ZBTB46: variants seen among roughly 807,000 people sequenced by gnomAD.
The protein encoded by ZBTB46 is zinc finger and BTB domain containing 46, also known as zinc finger and BTB domain-containing protein 46.
A neutral mutation model predicts 44.1 loss-of-function variants in ZBTB46; 8 were observed. The ratio of observed to expected loss-of-function variants is 0.18; its 90% CI spans 0.11 to 0.33. The LOEUF (loss-of-function observed/expected upper bound fraction) is 0.33. ZBTB46 is among the 10% of genes least tolerant of loss of function. The pLI, the probability that ZBTB46 is intolerant of heterozygous loss-of-function variation, is 1.00. For missense variants in ZBTB46, 651 were observed against 847.7 expected (o/e 0.77, Z 2.88); for synonymous variants, 409 against 382.3 (o/e 1.07, Z -0.81).
rs1034162511 is a variant in ZBTB46, at chr20:63,767,634, A to C, written c.1222+8044T>G. Among the ~76,000 whole-genome samples the C allele has an allele frequency of 6.6e-6, 1 of 152,228 alleles. No individual in the cohort carries two copies. The highest frequency in any genetic ancestry group is 2.4e-5 in the African/African-American group (1 of 41,460). ...TGAGGTCAAAGCAAACGCCGGCTCC[A>C]GCGCACAGACCAGAGGCACCCGCAG... is the stretch of plus-strand genomic sequence containing the variant. On this transcript the variant is annotated intron_variant, in intron 3 of 4. Transcript: ENST00000245663. This position sits in a 1 kb window ranked among gnomAD's most constrained non-coding sequence, Gnocchi z 5.0.
In ZBTB46 at chr20:63,747,314, G is replaced by A; in HGVS notation, c.1399-13C>T. On this transcript the variant is annotated splice_polypyrimidine_tract_variant and intron_variant, in intron 4 of 4. Transcript: ENST00000245663. ...CCTTGCTGTGGACCTGCAGAGGCAG[G>A]GCAGGGGGTGAGCAGGGCCTGGTGG... The A allele has an allele frequency of 7.1e-7, 1 of 1,400,538 alleles. No homozygotes were observed. Among genetic ancestry groups the A allele is most frequent in the Non-Finnish European group, 9.4e-7 (1 of 1,068,080 alleles). 86.8% of individuals were successfully genotyped at this position (1,400,538 alleles called of 1,614,324 possible).
At chr20:63,830,441 C>G (rs1026315572) in intron 1 of ZBTB46, among the ~76,000 whole-genome samples, 6 of 150,894 alleles carry the variant, frequency 4.0e-5, no homozygotes, top group African/African-American at 7.3e-5. Context: ...CGCCCCGCCC[C>G]GAGGCCCCTG....
intron 3 of ZBTB46, among the ~76,000 whole-genome samples, chr20:63,754,820 C>A (rs539248988): frequency 6.6e-6 from 1 of 151,326 alleles, no homozygotes; most frequent in Non-Finnish European, 1.5e-5. Flanking sequence ...AGGATGGTCT[C>A]GATCTCCTGA....
chr20:63,772,176 A>G (rs1243263601), intron 3 of ZBTB46, among the ~76,000 whole-genome samples: 2 of 151,918 alleles, frequency 1.3e-5, no homozygotes, highest in East Asian at 3.9e-4. Flanking sequence ...TTGTATTTTT[A>G]GTAGAGACAG....
chr20:63,773,582 G>C (rs763747736), intron 3 of ZBTB46, among the ~76,000 whole-genome samples: 4 of 152,108 alleles, frequency 2.6e-5, no homozygotes, highest in Non-Finnish European at 5.9e-5. Context: ...CCCCTCATGT[G>C]AAAAGGCGCT....
chr20:63,769,202 T>A (rs2092346242), intron 3 of ZBTB46: 6 of 985,288 alleles, frequency 6.1e-6, no homozygotes, highest in Middle Eastern at 5.2e-4. Context: ...ATGCCCCAAG[T>A]GTTTGGCCCA....
chr20:63,760,431 T>A (rs895090757), intron 3 of ZBTB46, among the ~76,000 whole-genome samples: 1 of 152,132 alleles, frequency 6.6e-6, no homozygotes, highest in African/African-American at 2.4e-5. Context: ...CTATCCAATA[T>A]CCGTTGATCA....
intron 1 of ZBTB46, among the ~76,000 whole-genome samples, chr20:63,810,078 AGCCT>A (rs1285551914): frequency 4.2e-4 from 64 of 152,306 alleles, no homozygotes; most frequent in African/African-American, 1.5e-3. Context: ...CCCTTGAAGC[AGCCT>A]GCAGCGTGGG....
rs577507890 is a variant in ZBTB46, at chr20:63,827,714, TA to T, written c.-34+3382del. On this transcript the variant is annotated intron_variant, in intron 1 of 4. Coordinates refer to ENST00000245663, the MANE Select transcript of ZBTB46 (RefSeq NM_001369741.1). The stretch of plus-strand genomic sequence containing the variant: ...ACTTTCTATTGTAAAATAGCTATGG[TA>T]GCAAATTTTTAATCCAGATAATGAT... Among the ~76,000 whole-genome samples, 237 of 152,210 alleles carry T rather than the reference TA, an allele frequency of 1.6e-3. 1 individual carries two copies. Among genetic ancestry groups the T allele is most frequent in the Non-Finnish European group, 2.5e-3 (172 of 68,018 alleles).
chr20:63,828,973 C>T (rs57726152), intron 1 of ZBTB46, among the ~76,000 whole-genome samples: 1,629 of 152,358 alleles, frequency 0.011, 25 homozygotes, highest in African/African-American at 0.037. Flanking sequence ...AATTTAAAAA[C>T]CCCACGTCAG....
chr20:63,763,539 A>G (rs527602387), intron 3 of ZBTB46, among the ~76,000 whole-genome samples: 43 of 152,162 alleles, frequency 2.8e-4, no homozygotes, highest in Non-Finnish European at 4.6e-4. Context: ...GTCATGGGGG[A>G]GGTGCCACAC....
intron 3 of ZBTB46, among the ~76,000 whole-genome samples, chr20:63,757,438 C>T (rs989529416): frequency 1.3e-5 from 2 of 152,080 alleles, no homozygotes; most frequent in Non-Finnish European, 2.9e-5. Context: ...TCACTTTTTT[C>T]CTCCATGTCA....
rs183395906 is a variant in ZBTB46 at position 63,786,723 on chromosome 20, G to A, written c.937+3098C>T. On this transcript the variant is annotated intron_variant, in intron 2 of 4. Transcript: ENST00000245663. The stretch of plus-strand genomic sequence containing the variant: ...GACGGGGTTTCACCATGTTGGCCAC[G>A]ATGGTCTCGATCTCCTGACCTTGTG... 3.3e-5 allele frequency among the ~76,000 whole-genome samples: 5 copies of A among 152,204 alleles called. No homozygotes were observed. The East Asian group carries it at 5.8e-4, about 18-fold the overall frequency.
intron 3 of ZBTB46, among the ~76,000 whole-genome samples, chr20:63,773,883 G>A (rs189259540): frequency 2.0e-5 from 3 of 152,306 alleles, no homozygotes; most frequent in East Asian, 1.9e-4. Flanking sequence ...CCAGTACCCC[G>A]GGGTTTGCTC....
chr20:63,776,526 G>A (rs4809226), intron 2 of ZBTB46, among the ~76,000 whole-genome samples: 36,315 of 152,148 alleles, frequency 0.24, 4,387 homozygotes, highest in Middle Eastern at 0.36. Flanking sequence ...AAGTGACGCC[G>A]GGTGCGGTGG....
intron 1 of ZBTB46, among the ~76,000 whole-genome samples, chr20:63,818,263 A>G (rs11700372): frequency 0.18 from 27,269 of 152,224 alleles, 2,968 homozygotes; most frequent in East Asian, 0.45. Context: ...GTCCTGCTGG[A>G]AAGCACGTGG....
At chr20:63,748,122 G>A (rs747824987) in intron 4 of ZBTB46, among the ~76,000 whole-genome samples, 3 of 152,234 alleles carry the variant, frequency 2.0e-5, no homozygotes, top group Admixed American at 2.0e-4. Flanking sequence ...TGTAAAGGAG[G>A]CAACTCCCCC....
chr20:63,774,697 T>TGG (rs1555842693), intron 3 of ZBTB46, among the ~76,000 whole-genome samples: 1 of 119,508 alleles, frequency 8.4e-6, no homozygotes, highest in African/African-American at 3.4e-5. Flanking sequence ...GGGTTTTTTT[T>TGG]GTTTTTTTTT....
In ZBTB46 at chr20:63,791,821, C is replaced by T. The variant is rs1298821355; in HGVS notation, c.-33-1031G>A. Among the ~76,000 whole-genome samples the T allele has an allele frequency of 2.6e-5, 4 of 152,332 alleles. No individual in the cohort carries two copies. The East Asian group carries it at 7.7e-4, about 29-fold the overall frequency. On this transcript the variant is annotated intron_variant, in intron 1 of 4. Coordinates refer to ENST00000245663, the MANE Select transcript of ZBTB46 (RefSeq NM_001369741.1). ...TTTCTGAATTGGGTACACCCCGTCC[C>T]GGAGTCTCTCCTGTCTCTCCTTAGA...
Sources: gnomAD v4.1 joint callset for allele counts (sites outside exome capture counted in the v4.1 genomes callset) on GRCh38, gnomAD v4.1.1 for gene constraint, Gnocchi (gnomAD v3.1) non-coding constraint, MANE v1.5 for transcripts, NCBI Gene and HGNC (gene_info 2026-07-23, HGNC 2026-07-21) for gene names.